The following ZNF521 variants were observed in gnomAD, a reference collection of about 807,000 sequenced individuals.
The protein encoded by ZNF521 is LYST-interacting protein 3.
A neutral mutation model predicts 105.5 loss-of-function variants in ZNF521; 14 were observed. The observed-to-expected ratio is 0.13, with a 90% CI of 0.09 to 0.21. The LOEUF (loss-of-function observed/expected upper bound fraction) is 0.21. ZNF521 is among the 10% of genes least tolerant of loss of function. The pLI is 1.00. For missense variants in ZNF521, 1,233 were observed against 1,629.7 expected, an observed-to-expected ratio of 0.76 and a Z score of 4.19; for synonymous variants, 635 against 606.0, an observed-to-expected ratio of 1.05 and a Z score of -0.70.
chr18:25,183,170 C>T (rs1176703859), intron 5 of ZNF521, among the ~76,000 whole-genome samples: 2 of 152,148 alleles, frequency 1.3e-5, no homozygotes, highest in East Asian at 3.8e-4. Context: ...ATTCAATATA[C>T]TATATCCTAA....
intron 4 of ZNF521, among the ~76,000 whole-genome samples, chr18:25,211,536 T>A (rs2036179034): frequency 6.6e-6 from 1 of 152,216 alleles, no homozygotes; most frequent in Non-Finnish European, 1.5e-5. Context: ...TGCTTCCTAT[T>A]TGTGAAATTC....
At chr18:25,127,392 G>A (rs927186723) in intron 5 of ZNF521, among the ~76,000 whole-genome samples, 4 of 151,820 alleles carry the variant, frequency 2.6e-5, no homozygotes, top group Non-Finnish European at 5.9e-5. Context: ...CTTACTATAT[G>A]CCCAGCATAG....
At chr18:25,318,652 A>G (rs1037765851) in intron 3 of ZNF521, among the ~76,000 whole-genome samples, 2 of 152,190 alleles carry the variant, frequency 1.3e-5, no homozygotes, top group Non-Finnish European at 2.9e-5. Flanking sequence ...GCAGAAATAC[A>G]CCAAGGAAAA....
chr18:25,298,657 G>C (rs1239548282), intron 3 of ZNF521, among the ~76,000 whole-genome samples: 1 of 152,046 alleles, frequency 6.6e-6, no homozygotes, highest in African/African-American at 2.4e-5. Flanking sequence ...TGATTTCCTT[G>C]ATCATACACC....
At chr18:25,176,679 G>A (rs575172660) in intron 5 of ZNF521, among the ~76,000 whole-genome samples, 2 of 152,298 alleles carry the variant, frequency 1.3e-5, no homozygotes, top group Non-Finnish European at 2.9e-5. Context: ...AGGAGAGGCA[G>A]GCAAACAACT....
At chr18:25,346,538 T>C (rs1914472489) in intron 2 of ZNF521, among the ~76,000 whole-genome samples, 1 of 152,204 alleles carries the variant, frequency 6.6e-6, no homozygotes, top group South Asian at 2.1e-4. Flanking sequence ...TGCCTTTACA[T>C]TCAAATTCTA....
chr18:25,173,844 A>C (rs551860720), intron 5 of ZNF521, among the ~76,000 whole-genome samples: 1 of 152,324 alleles, frequency 6.6e-6, no homozygotes, highest in Admixed American at 6.5e-5. Flanking sequence ...TTATTAAACC[A>C]ATTTTCAAAT....
In ZNF521 at chr18:25,245,461, G is replaced by T. The variant is rs568401172; in HGVS notation, c.221-17764C>A. ...AACACTCATATGCTTTTTAGTCTAAGCTTCATGCGTTCACTTTGCAGCTAG... is the reference window on the plus strand; with the variant it reads ...AACACTCATATGCTTTTTAGTCTAATCTTCATGCGTTCACTTTGCAGCTAG... On this transcript the variant is annotated intron_variant, in intron 3 of 7. Transcript: ENST00000361524. Among the ~76,000 whole-genome samples the T allele has an allele frequency of 2.0e-3, 299 of 152,268 alleles. 1 individual carries two copies. The highest frequency in any genetic ancestry group is 6.4e-3 in the African/African-American group (267 of 41,564).
At chr18:25,191,640 G>A (rs1242511493) in intron 5 of ZNF521, among the ~76,000 whole-genome samples, 1 of 152,116 alleles carries the variant, frequency 6.6e-6, no homozygotes, top group African/African-American at 2.4e-5. Context: ...TTATCAGAGT[G>A]AAAAAATTAA....
chr18:25,083,535 G>T (rs2033549333), intron 7 of ZNF521, among the ~76,000 whole-genome samples: 1 of 152,070 alleles, frequency 6.6e-6, no homozygotes, highest in Non-Finnish European at 1.5e-5. Context: ...ACCAGCAGGG[G>T]TGCCTCCCAC....
At chr18:25,231,019 G>A (rs771473410) in intron 3 of ZNF521, among the ~76,000 whole-genome samples, 2 of 152,118 alleles carry the variant, frequency 1.3e-5, no homozygotes, top group African/African-American at 2.4e-5. Context: ...AAGTAGAGCC[G>A]CCTGACTTTT....
intron 3 of ZNF521, among the ~76,000 whole-genome samples, chr18:25,235,051 A>T (rs1227592155): frequency 6.6e-6 from 1 of 152,208 alleles, no homozygotes; most frequent in Non-Finnish European, 1.5e-5. Flanking sequence ...TTGAAAATCA[A>T]TGTGTAGCAG....
intron 3 of ZNF521, among the ~76,000 whole-genome samples, chr18:25,279,459 CA>C (rs1327145697): frequency 6.6e-6 from 1 of 152,168 alleles, no homozygotes; most frequent in Non-Finnish European, 1.5e-5. Flanking sequence ...TTCTCTTTAA[CA>C]GGCAACAAAA....
chr18:25,254,902 C>T (rs776309167), intron 3 of ZNF521, among the ~76,000 whole-genome samples: 13 of 152,012 alleles, frequency 8.6e-5, no homozygotes, highest in Non-Finnish European at 1.2e-4. Context: ...AATGAACTAG[C>T]GCAGTGAAAA....
chr18:25,137,186 C>T (rs777866562), intron 5 of ZNF521, among the ~76,000 whole-genome samples: 1 of 152,184 alleles, frequency 6.6e-6, no homozygotes, highest in Non-Finnish European at 1.5e-5. Flanking sequence ...TTCCTGAAAA[C>T]TCCTCTGCTT....
At chr18:25,173,429 T>C (rs2035482067) in intron 5 of ZNF521, among the ~76,000 whole-genome samples, 1 of 152,176 alleles carries the variant, frequency 6.6e-6, no homozygotes, top group Non-Finnish European at 1.5e-5. Flanking sequence ...CTAAATTCCT[T>C]TGTAGCCAAC....
intron 4 of ZNF521, among the ~76,000 whole-genome samples, chr18:25,213,523 T>C (rs2036229996): frequency 6.6e-6 from 1 of 152,086 alleles, no homozygotes; most frequent in South Asian, 2.1e-4. Flanking sequence ...ATTCTCTTTT[T>C]TATACATGGA....
chr18:25,116,466 A>G (rs1356098255), intron 5 of ZNF521, among the ~76,000 whole-genome samples: 1 of 152,204 alleles, frequency 6.6e-6, no homozygotes, highest in Admixed American at 6.5e-5. Flanking sequence ...GTTTAAAATT[A>G]TATTTAGAGT....
intron 3 of ZNF521, among the ~76,000 whole-genome samples, chr18:25,254,769 ATGTAG>A (rs1192254061): frequency 1.3e-5 from 2 of 152,096 alleles, no homozygotes; most frequent in Non-Finnish European, 2.9e-5. Context: ...GCTGAGGTTT[ATGTAG>A]CTTGTTTGAT....
Sources: gnomAD v4.1 joint callset for allele counts (sites outside exome capture counted in the v4.1 genomes callset) on GRCh38, gnomAD v4.1.1 for gene constraint, MANE v1.5 for transcripts, NCBI Gene and HGNC (gene_info 2026-07-23, HGNC 2026-07-21) for gene names.